Variants in GPC5 observed in about 807,000 individuals in gnomAD.
GPC5 encodes the protein glypican 5, also known as glypican-5.
In GPC5, 47 loss-of-function variants were observed where a neutral mutation model predicts 53.9. The ratio of observed to expected loss-of-function variants is 0.87; its 90% CI spans 0.69 to 1.11. GPC5 has a LOEUF of 1.11. Among genes scored for constraint, GPC5 ranks in the 50% most tolerant of loss-of-function variants. The probability of loss-of-function intolerance (pLI) is 0.00; values close to 1 mark genes in which losing one functional copy is unlikely to be tolerated. For synonymous variants in GPC5, 286 were observed against 263.3 expected (o/e 1.09, Z -0.84); for missense variants, 748 against 713.1 (o/e 1.05, Z -0.56).
At chr13:92,702,823 T>A (rs550545035) in intron 7 of GPC5, among the ~76,000 whole-genome samples, 4 of 152,188 alleles carry the variant, frequency 2.6e-5, no homozygotes, top group African/African-American at 9.6e-5. Flanking sequence ...TAACTCTATG[T>A]GATCTCCACT....
chr13:92,388,628 T>G (rs922085360), intron 7 of GPC5, among the ~76,000 whole-genome samples: 1 of 152,220 alleles, frequency 6.6e-6, no homozygotes, highest in Non-Finnish European at 1.5e-5. Flanking sequence ...ATCCGTAAGA[T>G]GATACAGTAG....
intron 2 of GPC5, among the ~76,000 whole-genome samples, chr13:91,632,211 C>A (rs1926660): frequency 0.92 from 139,380 of 152,174 alleles, 64,018 homozygotes; most frequent in East Asian, 1. Flanking sequence ...AAATGATATC[C>A]TTGTAAAATG....
intron 7 of GPC5, among the ~76,000 whole-genome samples, chr13:92,836,031 CACTTG>C (rs1188847911): frequency 6.6e-6 from 1 of 151,956 alleles, no homozygotes. Flanking sequence ...TTTATTGAAT[CACTTG>C]ACTTTTTTTT....
chr13:92,495,315 A>G (rs1879929948), intron 7 of GPC5, among the ~76,000 whole-genome samples: 1 of 152,070 alleles, frequency 6.6e-6, no homozygotes, highest in African/African-American at 2.4e-5. Flanking sequence ...GTGGAGGTAA[A>G]TCTCAGCTTT....
At chr13:92,484,149 A>G (rs1044797388) in intron 7 of GPC5, among the ~76,000 whole-genome samples, 3 of 152,106 alleles carry the variant, frequency 2.0e-5, no homozygotes, top group Non-Finnish European at 4.4e-5. Context: ...GAAAACAAAA[A>G]TCAAAACATC....
At chr13:91,586,806 G>A (rs1287100118) in intron 2 of GPC5, among the ~76,000 whole-genome samples, 1 of 150,812 alleles carries the variant, frequency 6.6e-6, no homozygotes, top group African/African-American at 2.4e-5. Flanking sequence ...TTGATTTTGT[G>A]GTCTTGGGAA....
rs192398441 is a variant in GPC5 at position 92,581,871 on chromosome 13, G to T, written c.1562-284411G>T. Among the ~76,000 whole-genome samples, 3 of 152,074 alleles carry T rather than the reference G, an allele frequency of 2.0e-5. No homozygotes were observed. In the East Asian group the frequency reaches 5.8e-4, roughly 29 times the overall value. On this transcript the variant is annotated intron_variant, in intron 7 of 7. Coordinates refer to ENST00000377067, the MANE Select transcript of GPC5 (RefSeq NM_004466.6). ...ATTTTTATGACTTCTTTTGAGAAAC[G>T]TCTATTCATATCTTTTGCCTAATTT... is the stretch of plus-strand genomic sequence containing the variant.
chr13:92,175,429 G>A (rs564255343), intron 7 of GPC5, among the ~76,000 whole-genome samples: 8 of 152,166 alleles, frequency 5.3e-5, no homozygotes, highest in Non-Finnish European at 1.2e-4. Context: ...ATTTAGTAGT[G>A]CGTTCTAATA....
intron 5 of GPC5, among the ~76,000 whole-genome samples, chr13:91,765,038 T>C (rs2037495375): frequency 6.6e-6 from 1 of 152,206 alleles, no homozygotes; most frequent in South Asian, 2.1e-4. Context: ...TCATCTATTC[T>C]AGCCCATAGA....
At chr13:91,569,475 G>A (rs564174831) in intron 2 of GPC5, among the ~76,000 whole-genome samples, 12 of 152,124 alleles carry the variant, frequency 7.9e-5, no homozygotes, top group East Asian at 3.9e-4. Context: ...TTGGAGCGTC[G>A]TTAACAATTT....
At chr13:92,023,313 T>TA (rs1370640604) in intron 6 of GPC5, among the ~76,000 whole-genome samples, 1 of 152,030 alleles carries the variant, frequency 6.6e-6, no homozygotes, top group Non-Finnish European at 1.5e-5. Context: ...AAAAGGATCC[T>TA]AAAAATAATT....
At chr13:92,598,199 T>A (rs1883937977) in intron 7 of GPC5, among the ~76,000 whole-genome samples, 2 of 152,184 alleles carry the variant, frequency 1.3e-5, no homozygotes, top group African/African-American at 4.8e-5. Context: ...AACTGTGAAA[T>A]CCTCAGTAGC....
At chr13:92,359,189 T>C (rs2043546424) in intron 7 of GPC5, among the ~76,000 whole-genome samples, 1 of 151,730 alleles carries the variant, frequency 6.6e-6, no homozygotes, top group Admixed American at 6.5e-5. Context: ...ATATCCTAAA[T>C]TATCACTTTG....
rs966988468 is a variant in GPC5, at chr13:91,953,352, A to G, written c.1401+45295A>G. Among the ~76,000 whole-genome samples, 3 of 152,304 alleles carry G rather than the reference A, an allele frequency of 2.0e-5. 1 individual carries two copies. The highest frequency in any genetic ancestry group is 4.4e-5 in the Non-Finnish European group (3 of 68,020). On this transcript the variant is annotated intron_variant, in intron 6 of 7. Coordinates refer to ENST00000377067, the MANE Select transcript of GPC5 (RefSeq NM_004466.6). ...ACTATATTTCCAAGAATTCCTTGCC[A>G]GGAGAGTTTAGAAATTTAAACTGAT...
intron 3 of GPC5, among the ~76,000 whole-genome samples, chr13:91,697,413 T>G (rs902211381): frequency 2.0e-5 from 3 of 152,190 alleles, no homozygotes; most frequent in Admixed American, 2.0e-4. Flanking sequence ...AGTGCTGGGA[T>G]TACAGGCATG....
chr13:92,462,177 A>T (rs1878512315), intron 7 of GPC5, among the ~76,000 whole-genome samples: 2 of 152,160 alleles, frequency 1.3e-5, no homozygotes, highest in Admixed American at 1.3e-4. Context: ...GACTGATGTG[A>T]TCTGATTGAC....
chr13:92,722,840 T>C (rs1888541543), intron 7 of GPC5, among the ~76,000 whole-genome samples: 1 of 151,830 alleles, frequency 6.6e-6, no homozygotes. Flanking sequence ...GATAAAATCA[T>C]AAACTAAATT....
At chr13:92,157,649 A>G (rs944184427) in intron 7 of GPC5, among the ~76,000 whole-genome samples, 7 of 152,212 alleles carry the variant, frequency 4.6e-5, no homozygotes, top group Admixed American at 2.6e-4. Flanking sequence ...TGTTAGGAAG[A>G]AACATGTTTA....
At chr13:91,629,124 A>G (rs1392902558) in intron 2 of GPC5, among the ~76,000 whole-genome samples, 1 of 152,144 alleles carries the variant, frequency 6.6e-6, no homozygotes, top group East Asian at 1.9e-4. Flanking sequence ...AGTATTATCT[A>G]TGTGTTAATA....
Sources: gnomAD v4.1 joint callset for allele counts (sites outside exome capture counted in the v4.1 genomes callset) on GRCh38, gnomAD v4.1.1 for gene constraint, MANE v1.5 for transcripts, NCBI Gene and HGNC (gene_info 2026-07-23, HGNC 2026-07-21) for gene names.